The following ITFG1 variants were observed in gnomAD, a reference collection of about 807,000 sequenced individuals.
ITFG1 encodes the protein integrin alpha FG-GAP repeat containing 1, also known as T-cell immunomodulatory protein.
In ITFG1, 34 loss-of-function variants were observed where a neutral mutation model predicts 81.8. The ratio of observed to expected loss-of-function variants is 0.42; its 90% CI spans 0.32 to 0.55. The LOEUF (loss-of-function observed/expected upper bound fraction) is 0.55. Ranked by LOEUF, ITFG1 falls within the 20% of genes least tolerant of loss-of-function variation. ITFG1 has a pLI of 0.17. For synonymous variants in ITFG1, 285 were observed against 270.6 expected, an observed-to-expected ratio of 1.05 and a Z score of -0.52; for missense variants, 672 against 755.4, an observed-to-expected ratio of 0.89 and a Z score of 1.29.
Position 47,365,868 on chromosome 16 carries a change from T to C in ITFG1, c.722A>G (p.Asp241Gly). ...TATAGTACTGACAGAGAAGTTTCCA[T>C]CCTGTTAAATGAAGAAAACTTTGAA... ...TFQFEIWENL[D>G]GNFSVSTILE... Residue 241 changes from aspartate (D) to glycine (G), a missense_variant and splice_region_variant, in exon 8 of 18, where the codon GAT (aspartate) becomes GGT (glycine). Physicochemically the swap from Asp to Gly is moderately conservative, Grantham distance 94. Around this residue, in one of 3 missense-constraint regions of ITFG1, gnomAD observed 560 missense variants for 625.7 expected, o/e 0.90. Coordinates refer to ENST00000320640, the MANE Select transcript of ITFG1 (RefSeq NM_030790.5). 6.4e-7 allele frequency: 1 copy of C among 1,551,452 alleles called. No homozygotes were observed. The highest frequency in any genetic ancestry group is 8.9e-7 in the Non-Finnish European group (1 of 1,124,284).
intron 14 of ITFG1, among the ~76,000 whole-genome samples, chr16:47,165,096 T>G (rs996004637): frequency 6.6e-6 from 1 of 152,246 alleles, no homozygotes. Flanking sequence ...GTTCATGTGG[T>G]CCTCACACTG....
intron 8 of ITFG1, among the ~76,000 whole-genome samples, chr16:47,347,257 C>A (rs1372617284): frequency 1.3e-5 from 2 of 152,224 alleles, no homozygotes; most frequent in Non-Finnish European, 2.9e-5. Context: ...ATCGCCCCAC[C>A]CAGGAAGTGC....
intron 14 of ITFG1, among the ~76,000 whole-genome samples, chr16:47,210,278 C>T (rs1337507161): frequency 1.3e-5 from 2 of 152,142 alleles, no homozygotes; most frequent in Non-Finnish European, 2.9e-5. Context: ...TTTTCATGTG[C>T]ATTTCCCTAA....
chr16:47,426,497 T>G (rs183154260), intron 6 of ITFG1: 1 of 149,232 alleles, frequency 6.7e-6, no homozygotes, highest in Non-Finnish European at 1.5e-5. Context: ...AACACCTTAT[T>G]ATTGAGGTTT....
chr16:47,307,555 G>T (rs994932143), intron 10 of ITFG1, among the ~76,000 whole-genome samples: 1 of 152,132 alleles, frequency 6.6e-6, no homozygotes, highest in Admixed American at 6.5e-5. Context: ...GAAGGCAAGC[G>T]AACGTAGCAA....
intron 7 of ITFG1, among the ~76,000 whole-genome samples, chr16:47,369,964 G>A (rs1400235094): frequency 3.4e-5 from 5 of 147,916 alleles, no homozygotes; most frequent in South Asian, 2.2e-4. Context: ...TCAGCCTCCC[G>A]AGTAGCTGGG....
intron 6 of ITFG1, among the ~76,000 whole-genome samples, chr16:47,405,018 T>C (rs1968710434): frequency 6.6e-6 from 1 of 152,274 alleles, no homozygotes; most frequent in East Asian, 1.9e-4. Context: ...TGGAACTCAA[T>C]TCATGGCTGG....
chr16:47,326,764 C>G (rs1313178908), intron 8 of ITFG1, among the ~76,000 whole-genome samples: 3 of 152,118 alleles, frequency 2.0e-5, no homozygotes, highest in Non-Finnish European at 2.9e-5. Context: ...ATCCAACTTA[C>G]AAAGGATGTG....
At chr16:47,333,571 T>A (rs1326769103) in intron 8 of ITFG1, among the ~76,000 whole-genome samples, 1 of 152,230 alleles carries the variant, frequency 6.6e-6, no homozygotes, top group Admixed American at 6.5e-5. Context: ...TTTCTTTTAA[T>A]GAAGTATATA....
At chr16:47,297,338 A>C (rs1451730799) in intron 10 of ITFG1, among the ~76,000 whole-genome samples, 2 of 152,156 alleles carry the variant, frequency 1.3e-5, no homozygotes, top group Non-Finnish European at 2.9e-5. Flanking sequence ...GATTTCTTAT[A>C]AGCAGCATGT....
At chr16:47,230,860 T>C (rs929780179) in intron 13 of ITFG1, among the ~76,000 whole-genome samples, 3 of 152,214 alleles carry the variant, frequency 2.0e-5, no homozygotes, top group Non-Finnish European at 4.4e-5. Flanking sequence ...GCCATTCTCC[T>C]GCCTCAGCCT....
chr16:47,272,133 T>C (rs73538993), intron 10 of ITFG1, among the ~76,000 whole-genome samples: 11,408 of 152,220 alleles, frequency 0.075, 765 homozygotes, highest in African/African-American at 0.17. Context: ...GAAAACATTA[T>C]ACCAAGTCAA....
intron 14 of ITFG1, chr16:47,202,320 TG>T (rs1184461466): frequency 7.9e-5 from 12 of 152,310 alleles, no homozygotes; most frequent in Admixed American, 6.5e-4. Flanking sequence ...GAGAAACTAG[TG>T]GTCTGAAGAA....
At chr16:47,398,323 TG>T (rs1219735746) in intron 6 of ITFG1, among the ~76,000 whole-genome samples, 1 of 152,228 alleles carries the variant, frequency 6.6e-6, no homozygotes, top group Non-Finnish European at 1.5e-5. Context: ...AAGAAGTATC[TG>T]GATTCCTCCT....
intron 8 of ITFG1, among the ~76,000 whole-genome samples, chr16:47,324,338 A>G (rs1051266643): frequency 1.3e-5 from 2 of 152,038 alleles, no homozygotes; most frequent in Non-Finnish European, 2.9e-5. Flanking sequence ...TGAAGGAAGC[A>G]CTAAACATGG....
At chr16:47,349,726 G>C (rs1967920857) in intron 8 of ITFG1, among the ~76,000 whole-genome samples, 1 of 152,168 alleles carries the variant, frequency 6.6e-6, no homozygotes, top group Admixed American at 6.5e-5. Context: ...GACATCTACA[G>C]AACTCTCTAC....
chr16:47,371,107 C>T (rs916919526), intron 7 of ITFG1, among the ~76,000 whole-genome samples: 2 of 152,150 alleles, frequency 1.3e-5, no homozygotes, highest in Non-Finnish European at 2.9e-5. Context: ...CATCTCTTTA[C>T]CTTTTCTTTT....
intron 6 of ITFG1, among the ~76,000 whole-genome samples, chr16:47,381,735 T>C (rs932982989): frequency 2.0e-5 from 3 of 152,178 alleles, no homozygotes; most frequent in Non-Finnish European, 4.4e-5. Context: ...CTCCACTTAT[T>C]CATTAAAAAG....
rs553403855 is a variant in ITFG1, at chr16:47,222,089, A to G, written c.1375-3143T>C. 5.3e-5 allele frequency among the ~76,000 whole-genome samples: 8 copies of G among 151,522 alleles called. No homozygotes were observed. In the East Asian group the frequency reaches 1.6e-3, roughly 29 times the overall value. ...GGTTTTTTGTGTCTCTATTTCCTTC[A>G]GTTCTGCTCTGATTTTAGTTATTTC... On this transcript the variant is annotated intron_variant, in intron 13 of 17. Transcript: ENST00000320640.
Sources: allele counts gnomAD v4.1 joint callset (sites outside exome capture counted in the v4.1 genomes callset), GRCh38; gene constraint gnomAD v4.1.1; regional missense constraint gnomAD v4.1.1; transcripts MANE v1.5; gene names NCBI Gene and HGNC (gene_info 2026-07-23, HGNC 2026-07-21).